Variants in SLCO1B3 observed in about 807,000 individuals in gnomAD.
The protein encoded by SLCO1B3 is solute carrier organic anion transporter family member 1B3.
SLCO1B3 carries 72 observed loss-of-function variants against 71.8 expected under a neutral mutation model. The observed-to-expected ratio is 1.00, with a 90% confidence interval of 0.83 to 1.22. The LOEUF (loss-of-function observed/expected upper bound fraction) is 1.22. Ranked by LOEUF, SLCO1B3 falls within the 50% of genes most tolerant of loss-of-function variation. SLCO1B3 has a pLI of 0.00. For synonymous variants in SLCO1B3, 298 were observed against 278.4 expected (o/e 1.07, Z -0.70); for missense variants, 911 against 819.7 (o/e 1.11, Z -1.36).
Position 20,853,891 on chromosome 12 carries a change from A to C in SLCO1B3, c.85-1137A>C, listed in dbSNP as rs184220466. On this transcript the variant is annotated intron_variant, in intron 3 of 15. Coordinates refer to ENST00000381545, the MANE Select transcript of SLCO1B3 (RefSeq NM_019844.4). ...AGTGCTGCTTCCACTGCATCACATAAGTTTTGGTTTCTTGTGTTTTCATTT... is the reference window on the plus strand; with the variant it reads ...AGTGCTGCTTCCACTGCATCACATACGTTTTGGTTTCTTGTGTTTTCATTT... Among the ~76,000 whole-genome samples the C allele has an allele frequency of 5.4e-3, 768 of 142,122 alleles. 5 individuals carry two copies. The highest frequency in any genetic ancestry group is 0.018 in the African/African-American group (683 of 37,884). 93.2% of individuals were successfully genotyped at this position (142,122 alleles called of 152,430 possible). A position where few individuals can be genotyped will look rare whatever the true frequency, so the allele number is the denominator to read the frequency against.
At chr12:20,857,886 C>T (rs1261826587) in intron 4 of SLCO1B3, among the ~76,000 whole-genome samples, 1 of 152,104 alleles carries the variant, frequency 6.6e-6, no homozygotes, top group Non-Finnish European at 1.5e-5. Flanking sequence ...CATTACATCT[C>T]AAATAATGTA....
chr12:20,858,643 AC>A (rs1865190955), intron 5 of SLCO1B3, 72 bp downstream of exon 5: 2 of 1,438,032 alleles, frequency 1.4e-6, no homozygotes, highest in Non-Finnish European at 1.9e-6. Flanking sequence ...TTATTTTTAT[AC>A]TTGTAAGTGG....
intron 8 of SLCO1B3, among the ~76,000 whole-genome samples, chr12:20,868,365 A>T (rs1865412172): frequency 6.6e-6 from 1 of 152,146 alleles, no homozygotes; most frequent in South Asian, 2.1e-4. Flanking sequence ...TGTTATTCAA[A>T]GGTCAACTGT....
At chr12:20,823,224 AAGTT>A (rs1461270302) in intron 3 of SLCO1B3, among the ~76,000 whole-genome samples, 3 of 152,244 alleles carry the variant, frequency 2.0e-5, no homozygotes, top group Middle Eastern at 6.8e-3. Flanking sequence ...TTTTCTTCTG[AAGTT>A]TAAGTTGTCT....
chr12:20,864,143 T>C (rs978046768), intron 8 of SLCO1B3, among the ~76,000 whole-genome samples: 1 of 152,194 alleles, frequency 6.6e-6, no homozygotes, highest in Admixed American at 6.6e-5. Context: ...CTCTCTTTTT[T>C]ATTTTTATGG....
intron 3 of SLCO1B3, among the ~76,000 whole-genome samples, chr12:20,819,352 G>A (rs1422262803): frequency 6.6e-6 from 1 of 152,198 alleles, no homozygotes; most frequent in Non-Finnish European, 1.5e-5. Context: ...GCGCTTGACT[G>A]AAGTAATGGG....
Position 20,916,094 on chromosome 12 carries a change from A to G in SLCO1B3, c.1956A>G (p.Gln652=), listed in dbSNP as rs1228511726. ...TTTTTGCTATGAAGAAAAAATTTCAAGGAAAAGATACCAAGGCATCGGACA... is the reference window on the plus strand; with the variant it reads ...TTTTTGCTATGAAGAAAAAATTTCAGGGAAAAGATACCAAGGCATCGGACA... ...VFIFAMKKKF[Q]GKDTKASDNE... is the part of the protein sequence containing the mutation. The change falls in exon 16 of 16, where the codon CAA becomes CAG. Residue 652 remains glutamine, a synonymous_variant. Transcript: ENST00000381545. The G allele has an allele frequency of 6.2e-7, 1 of 1,613,382 alleles. No individual in the cohort carries two copies. Among genetic ancestry groups the G allele is most frequent in the Admixed American group, 1.7e-5 (1 of 59,984 alleles).
chr12:20,911,236 A>G (rs1866368214), intron 15 of SLCO1B3, among the ~76,000 whole-genome samples: 1 of 152,158 alleles, frequency 6.6e-6, no homozygotes, highest in Non-Finnish European at 1.5e-5. Context: ...TAGCATGTTA[A>G]TATAATAAAT....
intron 13 of SLCO1B3, among the ~76,000 whole-genome samples, chr12:20,892,509 A>G (rs1460932745): frequency 6.6e-6 from 1 of 152,198 alleles, no homozygotes; most frequent in African/African-American, 2.4e-5. Flanking sequence ...AGGGAAAGCA[A>G]TTACAGAGGA....
intron 9 of SLCO1B3, among the ~76,000 whole-genome samples, chr12:20,876,431 C>T (rs1195461515): frequency 6.6e-6 from 1 of 152,152 alleles, no homozygotes; most frequent in African/African-American, 2.4e-5. Context: ...TTGAAGTAAA[C>T]TTACAAACTT....
At chr12:20,819,842 T>G in intron 3 of SLCO1B3, among the ~76,000 whole-genome samples, 1 of 152,166 alleles carries the variant, frequency 6.6e-6, no homozygotes, top group South Asian at 2.1e-4. Context: ...TAGAGGTATC[T>G]TATACTTGTG....
intron 3 of SLCO1B3, among the ~76,000 whole-genome samples, chr12:20,842,344 CAAT>C (rs1392724691): frequency 6.6e-6 from 1 of 152,136 alleles, no homozygotes; most frequent in African/African-American, 2.4e-5. Flanking sequence ...CCTCTAGTGA[CAAT>C]AATTCTACTG....
At chr12:20,907,460 TCCCTTC>T (rs375335333) in intron 15 of SLCO1B3, among the ~76,000 whole-genome samples, 1,501 of 76,208 alleles carry the variant, frequency 0.02, 27 homozygotes, top group African/African-American at 0.067. Context: ...TTCCTTCCCC[TCCCTTC>T]CCCTTCCCCT....
intron 15 of SLCO1B3, among the ~76,000 whole-genome samples, chr12:20,910,133 G>A (rs1866345028): frequency 2.0e-5 from 3 of 152,144 alleles, no homozygotes; most frequent in Admixed American, 2.0e-4. Flanking sequence ...TTCATTTTGA[G>A]TTAATTTTTG....
intron 8 of SLCO1B3, among the ~76,000 whole-genome samples, chr12:20,863,872 A>G (rs1355126163): frequency 6.6e-6 from 1 of 152,184 alleles, no homozygotes; most frequent in Non-Finnish European, 1.5e-5. Flanking sequence ...GTAATTTACT[A>G]ATTGTAATGG....
intron 15 of SLCO1B3, among the ~76,000 whole-genome samples, chr12:20,907,697 T>A (rs1866281604): frequency 6.6e-6 from 1 of 151,580 alleles, no homozygotes; most frequent in Non-Finnish European, 1.5e-5. Flanking sequence ...CTCTACTAGA[T>A]ACGGTTTCGC....
intron 3 of SLCO1B3, among the ~76,000 whole-genome samples, chr12:20,827,223 A>G (rs1389003329): frequency 6.6e-6 from 1 of 152,196 alleles, no homozygotes; most frequent in Non-Finnish European, 1.5e-5. Flanking sequence ...TAAATATTAA[A>G]CTGCTTGATC....
chr12:20,885,250 T>A (rs577222692), intron 13 of SLCO1B3, among the ~76,000 whole-genome samples: 1 of 152,162 alleles, frequency 6.6e-6, no homozygotes. Context: ...AACTTCATTT[T>A]ATTAATGATT....
At chr12:20,861,659 G>A (rs1173551466) in intron 6 of SLCO1B3, among the ~76,000 whole-genome samples, 1 of 152,092 alleles carries the variant, frequency 6.6e-6, no homozygotes, top group Non-Finnish European at 1.5e-5. Flanking sequence ...AAATGTTATA[G>A]CATTTGAAGA....
Sources: allele counts gnomAD v4.1 joint callset (sites outside exome capture counted in the v4.1 genomes callset), GRCh38; gene constraint gnomAD v4.1.1; transcripts MANE v1.5; gene names NCBI Gene and HGNC (gene_info 2026-07-23, HGNC 2026-07-21).